The following TG variants were observed in gnomAD, a reference collection of about 807,000 sequenced individuals.
TG encodes thyroid hormones.
In TG, 270 loss-of-function variants were observed where a neutral mutation model predicts 324.7. The observed-to-expected ratio is 0.83, with a 90% confidence interval of 0.75 to 0.92. The LOEUF (loss-of-function observed/expected upper bound fraction) is 0.92, where lower values mean the gene tolerates loss of function less well. TG is among the 40% of genes least tolerant of loss of function. TG has a pLI of 0.00. For missense variants in TG, 3,591 were observed against 3,456.4 expected (o/e 1.04, Z -0.98); for synonymous variants, 1,401 against 1,327.0 (o/e 1.06, Z -1.21).
chr8:132,912,964 T>G lies in TG; in HGVS notation c.4160-83T>G, dbSNP rs2687824. Reference sequence around the variant, plus strand: ...ATGTCTCATTCCAGTCTGGATATTCTAGGCATCTCTGCCCTGCTTAATCCT... The same window carrying G: ...ATGTCTCATTCCAGTCTGGATATTCGAGGCATCTCTGCCCTGCTTAATCCT... On this transcript the variant is annotated intron_variant, in intron 19 of 47. Transcript: ENST00000220616. 647,328 of 1,283,020 alleles carry G rather than the reference T, an allele frequency of 0.5. 171,613 individuals are homozygous for G. Among genetic ancestry groups the G allele is most frequent in the Admixed American group, 0.6 (32,123 of 53,958 alleles). 79.5% of individuals were successfully genotyped at this position (1,283,020 alleles called of 1,614,324 possible). A position where few individuals can be genotyped will look rare whatever the true frequency, so the allele number is the denominator to read the frequency against.
intron 22 of TG, among the ~76,000 whole-genome samples, chr8:132,927,052 C>T (rs542288737): frequency 3.7e-4 from 56 of 152,294 alleles, no homozygotes; most frequent in African/African-American, 1.3e-3. Flanking sequence ...TTTCCTAATT[C>T]TGATCTTTGT....
intron 35 of TG, among the ~76,000 whole-genome samples, chr8:132,999,090 A>G (rs1215990197): frequency 2.0e-5 from 3 of 152,160 alleles, no homozygotes; most frequent in Admixed American, 6.5e-5. Flanking sequence ...CAGTCATGGT[A>G]AGAACCCTGG....
intron 34 of TG, among the ~76,000 whole-genome samples, chr8:132,977,881 T>C (rs1193240106): frequency 6.6e-6 from 1 of 152,180 alleles, no homozygotes; most frequent in Non-Finnish European, 1.5e-5. Flanking sequence ...GGAATTGAGA[T>C]TTATTGAGTT....
intron 4 of TG, among the ~76,000 whole-genome samples, chr8:132,872,336 G>A (rs1839562258): frequency 6.6e-6 from 1 of 151,798 alleles, no homozygotes; most frequent in Non-Finnish European, 1.5e-5. Flanking sequence ...AAATTAGCCG[G>A]GCGTGGTGGC....
At chr8:132,870,517 C>T (rs1049892017) in intron 3 of TG, among the ~76,000 whole-genome samples, 3 of 151,298 alleles carry the variant, frequency 2.0e-5, no homozygotes, top group Admixed American at 6.6e-5. Flanking sequence ...ATTTAGAACA[C>T]GTGTAAACAC....
intron 41 of TG, chr8:133,045,200 A>G: frequency 6.9e-7 from 1 of 1,457,662 alleles, no homozygotes; most frequent in Non-Finnish European, 9.5e-7. Flanking sequence ...CCACTGAGGC[A>G]GGGAGACCTG....
intron 43 of TG, among the ~76,000 whole-genome samples, chr8:133,099,000 T>A (rs931280433): frequency 6.6e-6 from 1 of 152,210 alleles, no homozygotes; most frequent in East Asian, 1.9e-4. Context: ...TACTCAAGGA[T>A]GCATTTGCAT....
intron 8 of TG, among the ~76,000 whole-genome samples, chr8:132,884,655 C>T (rs1815130531): frequency 6.6e-6 from 1 of 152,130 alleles, no homozygotes; most frequent in Non-Finnish European, 1.5e-5. Flanking sequence ...TCTACTAAAA[C>T]CTAGAGAATG....
intron 43 of TG, among the ~76,000 whole-genome samples, chr8:133,105,268 C>A (rs1849703326): frequency 6.6e-6 from 1 of 152,200 alleles, no homozygotes; most frequent in Non-Finnish European, 1.5e-5. Flanking sequence ...CCCTAAGCCC[C>A]TGCCAAGAGC....
At chr8:133,099,412 G>A (rs1381954100) in intron 43 of TG, among the ~76,000 whole-genome samples, 2 of 152,210 alleles carry the variant, frequency 1.3e-5, no homozygotes, top group Admixed American at 1.3e-4. Flanking sequence ...CAGCAGGAGA[G>A]TAGTGACGGT....
At position 133,116,152 on chromosome 8, in the gene TG, C is replaced by T. The variant is rs991837355; in HGVS notation, c.7755-457C>T. The stretch of plus-strand genomic sequence containing the variant: ...CCCCTGGGCTGAGCTGAGGGTACCA[C>T]ATGCTTGAGCTATCTTTGCGGGCTC... On this transcript the variant is annotated intron_variant, in intron 44 of 47. Transcript: ENST00000220616. Among the ~76,000 whole-genome samples, 11 of 152,206 alleles carry T rather than the reference C, an allele frequency of 7.2e-5. No individual in the cohort carries two copies. In the East Asian group the frequency reaches 1.3e-3, roughly 19 times the overall value.
At chr8:133,046,797 C>T (rs767792986) in intron 41 of TG, among the ~76,000 whole-genome samples, 5 of 152,116 alleles carry the variant, frequency 3.3e-5, no homozygotes, top group South Asian at 4.1e-4. Flanking sequence ...AAAAGTTGAT[C>T]GCAGATTTTT....
chr8:132,897,210 G>T (rs1454576275), intron 11 of TG, among the ~76,000 whole-genome samples: 1 of 152,222 alleles, frequency 6.6e-6, no homozygotes, highest in African/African-American at 2.4e-5. Context: ...TAATCCATCT[G>T]TGTCTCAGTT....
intron 41 of TG, among the ~76,000 whole-genome samples, chr8:133,032,192 C>T (rs963550660): frequency 2.0e-5 from 3 of 152,210 alleles, no homozygotes. Context: ...CCACAGGATA[C>T]ACCAGCTCCC....
chr8:132,973,642 G>T (rs755853643), intron 34 of TG, among the ~76,000 whole-genome samples: 3 of 152,140 alleles, frequency 2.0e-5, no homozygotes, highest in African/African-American at 7.2e-5. Context: ...TTCTGTCACC[G>T]CTTACATCAC....
At chr8:132,886,308 A>C in intron 8 of TG, 140 bp from the exon 9 acceptor site, 1 of 1,222,728 alleles carries the variant, frequency 8.2e-7, no homozygotes. Flanking sequence ...ATAAAATGAC[A>C]CAGAGAAGAA....
At chr8:132,902,888 C>A (rs1343716069) in intron 16 of TG, among the ~76,000 whole-genome samples, 1 of 152,172 alleles carries the variant, frequency 6.6e-6, no homozygotes, top group Non-Finnish European at 1.5e-5. Flanking sequence ...ATTACCTGTT[C>A]AAAGGTGCTT....
chr8:133,101,739 C>A (rs1461316046), intron 43 of TG, among the ~76,000 whole-genome samples: 12 of 152,244 alleles, frequency 7.9e-5, no homozygotes, highest in Non-Finnish European at 1.8e-4. Context: ...ACAAGGCAAA[C>A]AACTGAAACA....
intron 45 of TG, among the ~76,000 whole-genome samples, chr8:133,129,164 A>C (rs1210680690): frequency 6.6e-6 from 1 of 152,232 alleles, no homozygotes; most frequent in East Asian, 1.9e-4. Flanking sequence ...ACTGCTCAAA[A>C]TAACTCCTGC....
Sources: gnomAD v4.1 joint callset for allele counts (sites outside exome capture counted in the v4.1 genomes callset) on GRCh38, gnomAD v4.1.1 for gene constraint, MANE v1.5 for transcripts, NCBI Gene and HGNC (gene_info 2026-07-23, HGNC 2026-07-21) for gene names.